ZFYVE26: variants seen among roughly 807,000 people sequenced by gnomAD.
The protein encoded by ZFYVE26 is zinc finger FYVE domain-containing protein 26.
A neutral mutation model predicts 276.5 loss-of-function variants in ZFYVE26; 181 were observed. That is an observed-to-expected ratio of 0.65 (90% CI 0.58 to 0.74). The LOEUF (loss-of-function observed/expected upper bound fraction) is 0.74, where lower values mean the gene tolerates loss of function less well. Among genes scored for constraint, ZFYVE26 ranks in the 30% least tolerant of loss-of-function variants. The probability of loss-of-function intolerance (pLI) is 0.00; values close to 1 mark genes in which losing one functional copy is unlikely to be tolerated. For missense variants in ZFYVE26, 2,821 were observed against 3,097.9 expected (o/e 0.91, Z 2.12); for synonymous variants, 1,129 against 1,203.1 (o/e 0.94, Z 1.27).
chr14:67,789,427 T>C lies in ZFYVE26; in HGVS notation c.2927A>G (p.Asp976Gly). ...DLSPPAMAAF[D>G]LACSQCQLWK... is the part of the protein sequence containing the mutation. The stretch of plus-strand genomic sequence containing the variant: ...GAGCTGGCACTGAGAGCAAGCTAGG[T>C]CAAATGCAGCCATGGCAGGGGGACT... Residue 976 changes from aspartate to glycine, a missense_variant, in exon 16 of 42, where the codon GAC becomes GGC. Asp to Gly is a moderately conservative substitution (Grantham distance 94). Transcript: ENST00000347230. The C allele has an allele frequency of 6.2e-7, 1 of 1,614,124 alleles. No homozygotes were observed. The highest frequency in any genetic ancestry group is 1.3e-5 in the African/African-American group (1 of 75,014).
At chr14:67,794,141 A>C (rs372304190) in intron 13 of ZFYVE26, 30 bp downstream of exon 13, 74 of 1,611,170 alleles carry the variant, frequency 4.6e-5, no homozygotes, top group Non-Finnish European at 6.3e-5. Context: ...AAAGCTGCTC[A>C]AAGTTGGCAA....
At chr14:67,809,412 T>A (rs532706337) in intron 3 of ZFYVE26, 123 bp from the exon 4 acceptor site, 6,242 of 446,574 alleles carry the variant, frequency 0.014, 78 homozygotes, top group Middle Eastern at 0.018. Context: ...AGCACTCTTT[T>A]TTTTTTTTTT....
chr14:67,746,248 C>A (rs995233121), downstream of ZFYVE26, among the ~76,000 whole-genome samples: 1 of 151,940 alleles, frequency 6.6e-6, no homozygotes, highest in Non-Finnish European at 1.5e-5. Flanking sequence ...TTTCACTTAC[C>A]TTTTGCACCT....
chr14:67,803,925 G>T (rs2040126470), intron 9 of ZFYVE26, among the ~76,000 whole-genome samples, 176 bp downstream of exon 9: 1 of 152,140 alleles, frequency 6.6e-6, no homozygotes, highest in South Asian at 2.1e-4. Flanking sequence ...AGGAAGAGGA[G>T]GAATGCCCTA....
intron 35 of ZFYVE26, among the ~76,000 whole-genome samples, chr14:67,757,278 TCA>T (rs1393790798): frequency 6.6e-6 from 1 of 152,242 alleles, no homozygotes; most frequent in Non-Finnish European, 1.5e-5. Context: ...ACTCCTCTGC[TCA>T]CAGTCTCCCA....
intron 25 of ZFYVE26, 32 bp from the exon 26 acceptor site, chr14:67,776,138 A>C (rs1305988809): frequency 3.1e-6 from 5 of 1,613,408 alleles, no homozygotes; most frequent in Non-Finnish European, 4.2e-6. Flanking sequence ...AGAGTAAAGA[A>C]AATAGTACAC....
intron 27 of ZFYVE26, 24 bp downstream of exon 27, chr14:67,774,992 T>C (rs1374495625): frequency 1.3e-6 from 2 of 1,563,696 alleles, no homozygotes; most frequent in Non-Finnish European, 8.8e-7. Context: ...AAAATTTTAG[T>C]GAATCATCAG....
intron 35 of ZFYVE26, 123 bp from the exon 36 acceptor site, chr14:67,756,268 T>C: frequency 1.0e-6 from 1 of 985,500 alleles, no homozygotes; most frequent in Non-Finnish European, 1.6e-6. Flanking sequence ...TGCTTCTTAA[T>C]CTTTTATGTG....
chr14:67,776,057 G>C lies in ZFYVE26; in HGVS notation c.5024C>G (p.Ser1675Cys). 6.2e-7 allele frequency: 1 copy of C among 1,614,210 alleles called. No individual in the cohort carries two copies. Residue 1675 changes from serine (S) to cysteine (C), a missense_variant, in exon 26 of 42, where the codon TCC becomes TGC. Coordinates refer to ENST00000347230, the MANE Select transcript of ZFYVE26 (RefSeq NM_015346.4). ...EQHRASYSHL[S>C]SNPLFMLEQL... ...CTCCAGCATGAACAGGGGGTTAGAG[G>C]ACAAGTGGGAATAGCTGGCCCGGTG...
intron 35 of ZFYVE26, among the ~76,000 whole-genome samples, chr14:67,758,094 C>T (rs571823872): frequency 6.6e-6 from 1 of 152,106 alleles, no homozygotes; most frequent in Non-Finnish European, 1.5e-5. Context: ...GGCATTTAGA[C>T]TTGAGGTTAG....
Position 67,748,204 on chromosome 14 carries a change from C to A in ZFYVE26, c.*232G>T, listed in dbSNP as rs74752112. ...CTCACTCACTCTGAGGTAGAAAGAA[C>A]TGGCCATCTCCAGACAAACACACAT... is the stretch of plus-strand genomic sequence containing the variant. On this transcript the variant is annotated 3_prime_UTR_variant, in exon 42 of 42. Transcript: ENST00000347230. The A allele has an allele frequency of 4.5e-4, 263 of 583,550 alleles. 4 individuals carry two copies. In the East Asian group the frequency reaches 7.5e-3, roughly 17 times the overall value. The allele number at this position is 583,550 out of a possible 1,614,324, so 36.1% of individuals were successfully genotyped here.
At chr14:67,744,258 G>A (rs1746184266), downstream of ZFYVE26, among the ~76,000 whole-genome samples, 1 of 152,232 alleles carries the variant, frequency 6.6e-6, no homozygotes, top group African/African-American at 2.4e-5. Flanking sequence ...AAATATAGCA[G>A]TCATCTATCC....
At chr14:67,748,813 G>C (rs1278615059) in intron 41 of ZFYVE26, among the ~76,000 whole-genome samples, 174 bp from the exon 42 acceptor site, 1 of 152,154 alleles carries the variant, frequency 6.6e-6, no homozygotes, top group Admixed American at 6.5e-5. Flanking sequence ...CTGGACATAT[G>C]CTATAACACT....
At chr14:67,763,356 T>C (rs28497749) in intron 32 of ZFYVE26, among the ~76,000 whole-genome samples, 1,588 of 152,328 alleles carry the variant, frequency 0.01, 29 homozygotes, top group African/African-American at 0.035. Context: ...ATCTGTAAAA[T>C]GGATATACAG....
chr14:67,774,974 T>A, intron 27 of ZFYVE26, 42 bp downstream of exon 27: 1 of 1,446,876 alleles, frequency 6.9e-7, no homozygotes, highest in Non-Finnish European at 9.6e-7. Flanking sequence ...AAGGCAAGAC[T>A]AAACTGAAAA....
chr14:67,764,900 G>A (rs1220569270), intron 32 of ZFYVE26, among the ~76,000 whole-genome samples: 1 of 152,154 alleles, frequency 6.6e-6, no homozygotes, highest in Non-Finnish European at 1.5e-5. Context: ...AGGACTTGAT[G>A]TGAAGTTTGT....
rs2038618833 is a variant in ZFYVE26 at position 67,750,871 on chromosome 14, G to C, written c.7416+181C>G. 21 of 750,766 alleles carry C rather than the reference G, an allele frequency of 2.8e-5. No individual in the cohort carries two copies. The East Asian group carries it at 5.6e-4, about 20-fold the overall frequency. 46.5% of individuals were successfully genotyped at this position (750,766 alleles called of 1,614,324 possible). The stretch of plus-strand genomic sequence containing the variant: ...AGACGCATGCAGTCCATGTTCACCT[G>C]CTCCTCATCTATTCCCTCCTTTCTA... On this transcript the variant is annotated intron_variant, in intron 41 of 41. Transcript: ENST00000347230.
intron 41 of ZFYVE26, chr14:67,750,782 A>G (rs1441940432): frequency 5.6e-6 from 3 of 533,216 alleles, no homozygotes; most frequent in Non-Finnish European, 1.0e-5. Flanking sequence ...ACATCAGTAT[A>G]AAATGGAGAT....
At chr14:67,784,556 T>G in intron 19 of ZFYVE26, 120 bp from the exon 20 acceptor site, 1 of 862,500 alleles carries the variant, frequency 1.2e-6, no homozygotes, top group Non-Finnish European at 1.9e-6. Context: ...GAGAGCCTTC[T>G]GTTAATTCAT....
Sources: gnomAD v4.1 joint callset for allele counts (sites outside exome capture counted in the v4.1 genomes callset) on GRCh38, gnomAD v4.1.1 for gene constraint, MANE v1.5 for transcripts, NCBI Gene and HGNC (gene_info 2026-07-23, HGNC 2026-07-21) for gene names.